DHX29: variants seen among roughly 807,000 people sequenced by gnomAD.
DHX29 encodes the protein DExH-box helicase 29, also known as ATP-dependent RNA helicase DHX29.
A neutral mutation model predicts 167.9 loss-of-function variants in DHX29; 79 were observed. The observed-to-expected ratio is 0.47, with a 90% CI of 0.39 to 0.57. The LOEUF (loss-of-function observed/expected upper bound fraction) is 0.57. Ranked by LOEUF, DHX29 falls within the 20% of genes least tolerant of loss-of-function variation. DHX29 has a pLI of 0.00. For synonymous variants in DHX29, 530 were observed against 546.0 expected (o/e 0.97, Z 0.41); for missense variants, 1,347 against 1,593.4 (o/e 0.85, Z 2.63).
chr5:55,277,124 T>C lies in DHX29; in HGVS notation c.2268A>G (p.Gly756=). 6.2e-7 allele frequency: 1 copy of C among 1,609,898 alleles called. No individual in the cohort carries two copies. Among genetic ancestry groups the C allele is most frequent in the Middle Eastern group, 1.7e-4 (1 of 5,808 alleles). The change falls in exon 13 of 27, where the codon GGA becomes GGG. Residue 756 remains glycine, a synonymous_variant. Coordinates refer to ENST00000251636, the MANE Select transcript of DHX29 (RefSeq NM_019030.4). ...AACTTACCTCAACAGGATAACTTCT[T>C]CCTGAAATTCTGAGAATGGGGCAGT... ...FTHCPILRIS[G]RSYPVEVFHL...
At chr5:55,273,986 G>A (rs1026640755) in intron 16 of DHX29, among the ~76,000 whole-genome samples, 1 of 151,718 alleles carries the variant, frequency 6.6e-6, no homozygotes, top group Admixed American at 6.6e-5. Context: ...ACTTGGGGAG[G>A]TTGAGGCAGG....
At chr5:55,284,393 A>G (rs1747608645) in intron 10 of DHX29, among the ~76,000 whole-genome samples, 1 of 152,166 alleles carries the variant, frequency 6.6e-6, no homozygotes, top group Admixed American at 6.5e-5. Flanking sequence ...AAGTTATCTC[A>G]ATTCTGTGCT....
chr5:55,276,769 C>T (rs1179057029), intron 13 of DHX29, among the ~76,000 whole-genome samples: 1 of 152,122 alleles, frequency 6.6e-6, no homozygotes, highest in Non-Finnish European at 1.5e-5. Flanking sequence ...TTCCTTATTG[C>T]CAGGTAGCCA....
At chr5:55,266,947 A>G (rs1335087779) in intron 23 of DHX29, among the ~76,000 whole-genome samples, 191 bp downstream of exon 23, 1 of 152,132 alleles carries the variant, frequency 6.6e-6, no homozygotes, top group African/African-American at 2.4e-5. Flanking sequence ...ATTAAATACT[A>G]TTTTAAATCA....
chr5:55,305,635 C>G lies in DHX29; in HGVS notation c.187+1752G>C, dbSNP rs954746125. ...GCTGTGGAGCCCTATTAAAAGACTTCGTTGCTACTCCAGGAATTCACAGGT... is the reference window on the plus strand; with the variant it reads ...GCTGTGGAGCCCTATTAAAAGACTTGGTTGCTACTCCAGGAATTCACAGGT... On this transcript the variant is annotated intron_variant, in intron 1 of 26. Coordinates refer to ENST00000251636, the MANE Select transcript of DHX29 (RefSeq NM_019030.4). Among the ~76,000 whole-genome samples the G allele has an allele frequency of 3.3e-5, 5 of 152,276 alleles. No individual in the cohort carries two copies. The East Asian group carries it at 9.6e-4, about 29-fold the overall frequency.
At chr5:55,275,680 A>G (rs1268699763) in intron 14 of DHX29, among the ~76,000 whole-genome samples, 1 of 152,144 alleles carries the variant, frequency 6.6e-6, no homozygotes, top group East Asian at 1.9e-4. Context: ...AAAACATGTC[A>G]TTGAGACTAA....
At chr5:55,293,875 T>A in intron 6 of DHX29, 142 bp downstream of exon 6, 1 of 797,558 alleles carries the variant, frequency 1.3e-6, no homozygotes, top group Non-Finnish European at 1.8e-6. Flanking sequence ...AGTTTTTGCC[T>A]AAGTGTTATT....
intron 1 of DHX29, among the ~76,000 whole-genome samples, chr5:55,300,846 A>G (rs1748560686): frequency 6.6e-6 from 1 of 152,220 alleles, no homozygotes; most frequent in Non-Finnish European, 1.5e-5. Flanking sequence ...ACAAAATACC[A>G]CAGACTGCTG....
At chr5:55,296,167 C>T (rs1748308232) in intron 4 of DHX29, 53 bp downstream of exon 4, 1 of 1,542,480 alleles carries the variant, frequency 6.5e-7, no homozygotes, top group Non-Finnish European at 8.7e-7. Context: ...ATACAAATAC[C>T]AAAACTACTT....
intron 7 of DHX29, 92 bp from the exon 8 acceptor site, chr5:55,289,520 A>T (rs1015887433): frequency 3.8e-6 from 4 of 1,055,976 alleles, no homozygotes; most frequent in Non-Finnish European, 3.8e-6. Context: ...ATACACCAAG[A>T]GTTTCATGGT....
Position 55,256,671 on chromosome 5 carries a change from T to A in DHX29, c.4058-131A>T, listed in dbSNP as rs976406898. 4.7e-6 allele frequency: 3 copies of A among 638,956 alleles called. No individual in the cohort carries two copies. In the African/African-American group the frequency reaches 5.7e-5, roughly 12 times the overall value. 39.6% of individuals were successfully genotyped at this position (638,956 alleles called of 1,614,324 possible). ...TAGAATACAGAATTAACACCAGTAA[T>A]AAAACTAGAGACACCTATAAAATAT... On this transcript the variant is annotated intron_variant, in intron 26 of 26. Transcript: ENST00000251636.
At chr5:55,291,948 C>T (rs1025950057) in intron 6 of DHX29, among the ~76,000 whole-genome samples, 3 of 152,162 alleles carry the variant, frequency 2.0e-5, no homozygotes, top group Non-Finnish European at 4.4e-5. Flanking sequence ...ATTGCTTCCA[C>T]GTTTTAGCTA....
At chr5:55,302,564 G>A (rs1301038323) in intron 1 of DHX29, among the ~76,000 whole-genome samples, 10 of 144,724 alleles carry the variant, frequency 6.9e-5, no homozygotes, top group African/African-American at 2.6e-4. Flanking sequence ...AGATTGTAGT[G>A]AGCCACTGGG....
Position 55,295,379 on chromosome 5 carries a change from C to G in DHX29, c.651G>C (p.Lys217Asn). 1.2e-6 allele frequency: 2 copies of G among 1,606,830 alleles called. No homozygotes were observed. Among genetic ancestry groups the G allele is most frequent in the Non-Finnish European group, 1.7e-6 (2 of 1,173,820 alleles). Residue 217 changes from lysine to asparagine, a missense_variant and splice_region_variant, in exon 5 of 27, where the codon AAG (lysine) becomes AAC (asparagine). Transcript: ENST00000251636. ...TKTYEEDPKS[K>N]PKKEEKNMEV... is the part of the protein sequence containing the mutation. ...TTTAAATGCTTAATTCTCAAATTAC[C>G]TTACTCTTAGGGTCCTCTTCATATG...
intron 10 of DHX29, among the ~76,000 whole-genome samples, chr5:55,284,789 C>T (rs969701443): frequency 1.3e-5 from 2 of 151,862 alleles, no homozygotes; most frequent in African/African-American, 4.8e-5. Context: ...TTAAGTTGAG[C>T]GAGACAATAT....
chr5:55,307,459 T>C lies in DHX29; in HGVS notation c.115A>G (p.Lys39Glu), dbSNP rs776923875. ...EAGIAGEAQS[K>E]KPVSRPATAA... ...GTGGCCGGCCTGGACACTGGCTTCTTGCTTTGGGCCTCCCCGGCAATTCCA... is the reference window on the plus strand; with the variant it reads ...GTGGCCGGCCTGGACACTGGCTTCTCGCTTTGGGCCTCCCCGGCAATTCCA... The change falls in exon 1 of 27, where the codon AAG becomes GAG. Residue 39 changes from lysine (K) to glutamate (E), a missense_variant. Coordinates refer to ENST00000251636, the MANE Select transcript of DHX29 (RefSeq NM_019030.4). 2.5e-6 allele frequency: 4 copies of C among 1,613,372 alleles called. No individual in the cohort carries two copies. The Admixed American group carries it at 6.7e-5, about 27-fold the overall frequency.
In DHX29 at chr5:55,277,286, G is replaced by A. The variant is rs771610181; in HGVS notation, c.2110-4C>T. ...ACTGGACACTTCTTTCATGAACCTA[G>A]TTTTAAAAAGGGAATAAAAAAGTTC... On this transcript the variant is annotated splice_region_variant and splice_polypyrimidine_tract_variant and intron_variant, in intron 12 of 26. Transcript: ENST00000251636. The A allele has an allele frequency of 6.3e-7, 1 of 1,576,728 alleles. No homozygotes were observed. Among genetic ancestry groups the A allele is most frequent in the Non-Finnish European group, 8.6e-7 (1 of 1,159,432 alleles).
At chr5:55,262,355 T>C (rs571525546) in intron 24 of DHX29, among the ~76,000 whole-genome samples, 21 of 152,328 alleles carry the variant, frequency 1.4e-4, no homozygotes, top group African/African-American at 3.4e-4. Flanking sequence ...ACTAAGGGGA[T>C]TGATACATTA....
At chr5:55,259,783 T>C (rs1395262766) in intron 26 of DHX29, 65 bp downstream of exon 26, 3 of 929,316 alleles carry the variant, frequency 3.2e-6, no homozygotes, top group Non-Finnish European at 5.1e-6. Context: ...CACACATTAA[T>C]ACATAGGTAT....
Sources: gnomAD v4.1 joint callset for allele counts (sites outside exome capture counted in the v4.1 genomes callset) on GRCh38, gnomAD v4.1.1 for gene constraint, MANE v1.5 for transcripts, NCBI Gene and HGNC (gene_info 2026-07-23, HGNC 2026-07-21) for gene names.